Variants in NREP observed in about 807,000 individuals in gnomAD.
NREP encodes neuronal regeneration-related protein.
Under a neutral mutation model 8.6 loss-of-function variants are expected in NREP, and 5 were observed. The observed-to-expected ratio is 0.58, with a 90% CI of 0.30 to 1.22. The LOEUF is 1.22. Ranked by LOEUF, NREP falls within the 50% of genes most tolerant of loss-of-function variation. The pLI, the probability that NREP is intolerant of heterozygous loss-of-function variation, is 0.07. For missense variants in NREP, 86 were observed against 82.5 expected, an observed-to-expected ratio of 1.04 and a Z score of -0.17; for synonymous variants, 27 against 28.0, an observed-to-expected ratio of 0.96 and a Z score of 0.11.
chr5:111,879,650 T>TTGCCGTAACGATA (rs1401007470), intron 2 of NREP, among the ~76,000 whole-genome samples: 1 of 152,180 alleles, frequency 6.6e-6, no homozygotes, highest in Non-Finnish European at 1.5e-5. Flanking sequence ...TCTGCTCAGG[T>TTGCCGTAACGATA]TGCCGTAACG....
At chr5:111,791,706 C>T (rs1002324980) in intron 2 of NREP, among the ~76,000 whole-genome samples, 8 of 152,152 alleles carry the variant, frequency 5.3e-5, no homozygotes, top group Admixed American at 4.6e-4. Flanking sequence ...CTCCTGGGCT[C>T]AAGCAATCTT....
intron 2 of NREP, among the ~76,000 whole-genome samples, chr5:111,926,584 G>A (rs988587457): frequency 6.6e-6 from 1 of 151,948 alleles, no homozygotes; most frequent in Admixed American, 6.6e-5. Context: ...TGGTAAGGCC[G>A]CCCCCTTGTG....
chr5:111,955,515 C>T lies in NREP; in HGVS notation c.135+19759G>A, dbSNP rs182831241. On this transcript the variant is annotated intron_variant, in intron 2 of 3. Coordinates refer to the NREP transcript ENST00000395634. ...AAAAAACAAAAAAAAAAAACACATT[C>T]GGTTCTAAGACTTGTGATAAGAAAA... Among the ~76,000 whole-genome samples the T allele has an allele frequency of 6.7e-3, 1,009 of 149,938 alleles. 11 individuals are homozygous for T. Among genetic ancestry groups the T allele is most frequent in the African/African-American group, 0.024 (971 of 40,838 alleles).
At chr5:111,780,541 G>A (rs763656634) in intron 2 of NREP, among the ~76,000 whole-genome samples, 19 of 152,088 alleles carry the variant, frequency 1.2e-4, no homozygotes, top group Non-Finnish European at 1.5e-5. Flanking sequence ...CAGTGTAACC[G>A]ACTTGAAGGA....
intron 2 of NREP, among the ~76,000 whole-genome samples, chr5:111,892,747 A>C (rs1754424380): frequency 6.6e-6 from 1 of 152,116 alleles, no homozygotes; most frequent in Admixed American, 6.5e-5. Context: ...TAACAAAACC[A>C]CCCAGAAAAC....
intron 2 of NREP, among the ~76,000 whole-genome samples, chr5:111,876,127 T>G (rs1440553323): frequency 6.6e-6 from 1 of 152,212 alleles, no homozygotes; most frequent in African/African-American, 2.4e-5. Context: ...TTATTGTCCC[T>G]GGTGGACATG....
At chr5:111,975,824 AAT>A (rs1756946832) in intron 1 of NREP, among the ~76,000 whole-genome samples, 1 of 152,184 alleles carries the variant, frequency 6.6e-6, no homozygotes, top group African/African-American at 2.4e-5. Flanking sequence ...CTTCCCCAAA[AAT>A]AGTTAATTTC....
At chr5:111,804,066 A>C (rs1752079699) in intron 2 of NREP, among the ~76,000 whole-genome samples, 2 of 152,164 alleles carry the variant, frequency 1.3e-5, no homozygotes, top group African/African-American at 4.8e-5. Context: ...GTGGTCAGGG[A>C]AAGTTTAATG....
chr5:111,821,290 A>G (rs1204278194), intron 2 of NREP, among the ~76,000 whole-genome samples: 1 of 152,188 alleles, frequency 6.6e-6, no homozygotes. Flanking sequence ...GATCTAATGA[A>G]TCATTTAAGA....
intron 2 of NREP, among the ~76,000 whole-genome samples, chr5:111,892,314 GGTAT>G (rs369550117): frequency 8.5e-5 from 13 of 152,144 alleles, no homozygotes; most frequent in African/African-American, 2.6e-4. Flanking sequence ...CTCTGCTCAT[GGTAT>G]CTGGGGTTCT....
At chr5:111,846,074 A>T (rs56155702) in intron 2 of NREP, 11,828 of 154,616 alleles carry the variant, frequency 0.076, 1,078 homozygotes, top group African/African-American at 0.23. Flanking sequence ...TACACCAAAA[A>T]AATAATAATA....
At chr5:111,818,813 A>T (rs1752450918) in intron 2 of NREP, among the ~76,000 whole-genome samples, 1 of 152,206 alleles carries the variant, frequency 6.6e-6, no homozygotes, top group Admixed American at 6.5e-5. Context: ...TTTTGTACAG[A>T]TTTTACAGGT....
intron 2 of NREP, among the ~76,000 whole-genome samples, chr5:111,801,172 G>A (rs1316403612): frequency 6.6e-6 from 1 of 152,174 alleles, no homozygotes; most frequent in Non-Finnish European, 1.5e-5. Flanking sequence ...ATATCAAAGA[G>A]AAAGAGAAAG....
intron 2 of NREP, among the ~76,000 whole-genome samples, chr5:111,866,979 A>T (rs1435211257): frequency 6.9e-6 from 1 of 145,780 alleles, no homozygotes; most frequent in African/African-American, 2.6e-5. Context: ...GGAACATCAC[A>T]CACCGGGGCC....
At chr5:111,769,445 G>T (rs915947429) in intron 2 of NREP, among the ~76,000 whole-genome samples, 1 of 152,230 alleles carries the variant, frequency 6.6e-6, no homozygotes, top group Admixed American at 6.5e-5. Context: ...GAATGCCTGG[G>T]GGGAGGGTGA....
At chr5:111,916,218 G>A (rs1755053419) in intron 2 of NREP, among the ~76,000 whole-genome samples, 1 of 152,030 alleles carries the variant, frequency 6.6e-6, no homozygotes, top group Non-Finnish European at 1.5e-5. Context: ...AGATGTTGAT[G>A]ATAGAGAGAG....
intron 2 of NREP, among the ~76,000 whole-genome samples, chr5:111,848,231 GTTCT>G (rs1242071850): frequency 2.0e-5 from 3 of 150,828 alleles, no homozygotes; most frequent in South Asian, 2.1e-4. Flanking sequence ...AAGTTAGTAA[GTTCT>G]TTCTTTCACA....
chr5:111,947,310 A>T (rs978729516), intron 2 of NREP, among the ~76,000 whole-genome samples: 1 of 151,984 alleles, frequency 6.6e-6, no homozygotes, highest in Non-Finnish European at 1.5e-5. Flanking sequence ...ATTCAGATTC[A>T]ATGTTCTTTC....
intron 2 of NREP, among the ~76,000 whole-genome samples, chr5:111,762,836 A>T (rs1355015500): frequency 6.6e-6 from 1 of 152,222 alleles, no homozygotes; most frequent in Non-Finnish European, 1.5e-5. Flanking sequence ...CATGTGGAAG[A>T]GTAAAGGATT....
Sources: gnomAD v4.1 joint callset for allele counts (sites outside exome capture counted in the v4.1 genomes callset) on GRCh38, gnomAD v4.1.1 for gene constraint, MANE v1.5 for transcripts, NCBI Gene and HGNC (gene_info 2026-07-23, HGNC 2026-07-21) for gene names.